Variants in BTN3A2 observed in about 807,000 individuals in gnomAD.
BTN3A2 encodes the protein butyrophilin subfamily 3 member A2.
In BTN3A2, 25 loss-of-function variants were observed where a neutral mutation model predicts 37.6. The ratio of observed to expected loss-of-function variants is 0.66; its 90% CI spans 0.48 to 0.93. BTN3A2 has a LOEUF of 0.93. Among genes scored for constraint, BTN3A2 ranks in the 40% least tolerant of loss-of-function variants. The pLI is 0.00. For missense variants in BTN3A2, 266 were observed against 410.9 expected (o/e 0.65, Z 3.05); for synonymous variants, 122 against 159.4 (o/e 0.77, Z 1.77).
At chr6:26,374,542 C>A in intron 9 of BTN3A2, 169 bp downstream of exon 9, 1 of 863,038 alleles carries the variant, frequency 1.2e-6, no homozygotes, top group Non-Finnish European at 1.8e-6. Flanking sequence ...TCCTGCACAC[C>A]CCCTTGTAAA....
chr6:26,377,354 A>T lies in BTN3A2; in HGVS notation c.*1592A>T. 3.3e-6 allele frequency: 2 copies of T among 606,582 alleles called. No homozygotes were observed. Among genetic ancestry groups the T allele is most frequent in the Non-Finnish European group, 6.0e-6 (2 of 335,034 alleles). 37.6% of individuals were successfully genotyped at this position (606,582 alleles called of 1,614,324 possible). ...AGGACAGTTGTTTGAGTTTGGTGCC[A>T]CCTTATTGGCCCCTTTATACAGATA... On this transcript the variant is annotated 3_prime_UTR_variant, in exon 11 of 11. Transcript: ENST00000377708.
chr6:26,371,227 C>G (rs1760081591), intron 5 of BTN3A2, among the ~76,000 whole-genome samples: 2 of 151,930 alleles, frequency 1.3e-5, no homozygotes, highest in Admixed American at 1.3e-4. Context: ...GACCACTGCA[C>G]TCCAGCCAGG....
Position 26,368,629 on chromosome 6 carries a change from G to C in BTN3A2, c.150G>C (p.Leu50=). 6.2e-7 allele frequency: 1 copy of C among 1,614,058 alleles called. No individual in the cohort carries two copies. The highest frequency in any genetic ancestry group is 8.5e-7 in the Non-Finnish European group (1 of 1,179,874). ...ILAMVGEDAD[L]PCHLFPTMSA... is the part of the protein sequence containing the mutation. ...CCATGGTGGGTGAAGACGCTGATCT[G>C]CCCTGTCACCTGTTCCCGACCATGA... is the stretch of plus-strand genomic sequence containing the variant. The change falls in exon 4 of 11, where the codon CTG becomes CTC. Residue 50 remains leucine, a synonymous_variant. Transcript: ENST00000377708.
chr6:26,372,985 C>T lies in BTN3A2; in HGVS notation c.804C>T (p.Tyr268=). 3 of 1,614,224 alleles carry T rather than the reference C, an allele frequency of 1.9e-6. No homozygotes were observed. The highest frequency in any genetic ancestry group is 1.7e-5 in the Admixed American group (1 of 60,028). Residue 268 remains tyrosine (Y), a synonymous_variant, in exon 6 of 11, where the codon TAC becomes TAT. Coordinates refer to ENST00000377708, the MANE Select transcript of BTN3A2 (RefSeq NM_007047.5). ...TGCTGCTTCTCGCCGGAGCCAGTTA[C>T]TTCTTGTGGAGACAACAGAAGGAAA... ...ILLLLLAGAS[Y]FLWRQQKEIT...
In BTN3A2 at chr6:26,374,337, G is replaced by A. The variant is rs1760484503; in HGVS notation, c.975G>A (p.Glu325=). ...TTTCTTTCATTGTAGGTGGAGAGGA[G>A]TCTTCGTCCGATACCAATAAGTCAG... ...KKIQYLTRGE[E]SSSDTNKSA The change falls in exon 9 of 11, where the codon GAG becomes GAA. Residue 325 remains glutamate, a synonymous_variant. Transcript: ENST00000377708. 3.7e-6 allele frequency: 6 copies of A among 1,612,308 alleles called. No homozygotes were observed. The highest frequency in any genetic ancestry group is 1.7e-4 in the Middle Eastern group (1 of 6,044).
Position 26,374,393 on chromosome 6 carries a change from T to C in BTN3A2, c.*6+20T>C. The C allele has an allele frequency of 6.2e-7, 1 of 1,609,912 alleles. No individual in the cohort carries two copies. The highest frequency in any genetic ancestry group is 8.5e-7 in the Non-Finnish European group (1 of 1,176,214). On this transcript the variant is annotated intron_variant, in intron 9 of 10. Coordinates refer to ENST00000377708, the MANE Select transcript of BTN3A2 (RefSeq NM_007047.5). ...TGCTCTGTAAGTTTGCTGGGTCACA[T>C]GCCCTGAATATTTCAACTTTTTCTC...
At chr6:26,366,825 TC>T (rs1484157675) in intron 1 of BTN3A2, among the ~76,000 whole-genome samples, 1 of 152,228 alleles carries the variant, frequency 6.6e-6, no homozygotes, top group Non-Finnish European at 1.5e-5. Context: ...GGCCTCATGC[TC>T]CTTTGTTTTG....
At chr6:26,371,021 T>G (rs1330983012) in intron 5 of BTN3A2, among the ~76,000 whole-genome samples, 1 of 152,134 alleles carries the variant, frequency 6.6e-6, no homozygotes, top group Non-Finnish European at 1.5e-5. Flanking sequence ...TCCCAGCACT[T>G]TGGGAGGCCG....
In BTN3A2 at chr6:26,370,385, G is replaced by A; in HGVS notation, c.497G>A (p.Cys166Tyr). 3 of 1,614,188 alleles carry A rather than the reference G, an allele frequency of 1.9e-6. No individual in the cohort carries two copies. The highest frequency in any genetic ancestry group is 2.5e-6 in the Non-Finnish European group (3 of 1,180,020). ...GYEDGGIHLE[C>Y]RSTGWYPQPQ... is the part of the protein sequence containing the mutation. ...GAGGATGGAGGGATCCATCTGGAGT[G>A]CAGGTCCACCGGCTGGTACCCCCAA... The change falls in exon 5 of 11, where the codon TGC becomes TAC. Residue 166 changes from cysteine (C) to tyrosine (Y), a missense_variant. By Grantham distance (194) the Cys-to-Tyr change is radical. Around this residue, in one of 3 missense-constraint regions of BTN3A2, gnomAD observed 204 missense variants for 232.6 expected, o/e 0.88. Transcript: ENST00000377708.
At chr6:26,375,308 G>T (rs749782962) in intron 10 of BTN3A2, 7 of 316,166 alleles carry the variant, frequency 2.2e-5, no homozygotes, top group Non-Finnish European at 4.1e-5. Context: ...GTTCCCAACA[G>T]TGGGGAGCTG....
chr6:26,377,012 T>C lies in BTN3A2; in HGVS notation c.*1250T>C. 1 of 1,418,916 alleles carries C rather than the reference T, an allele frequency of 7.0e-7. No individual in the cohort carries two copies. The highest frequency in any genetic ancestry group is 9.9e-7 in the Non-Finnish European group (1 of 1,005,426). 87.9% of individuals were successfully genotyped at this position (1,418,916 alleles called of 1,614,324 possible). A position where few individuals can be genotyped will look rare whatever the true frequency, so the allele number is the denominator to read the frequency against. ...CGGATGGATCTCATATCTACACATT[T>C]CTGCACGCCTCTTCCTCTGAGCCTC... On this transcript the variant is annotated 3_prime_UTR_variant, in exon 11 of 11. Coordinates refer to ENST00000377708, the MANE Select transcript of BTN3A2 (RefSeq NM_007047.5).
At chr6:26,375,487 T>C in intron 10 of BTN3A2, 1 of 710,450 alleles carries the variant, frequency 1.4e-6, no homozygotes. Flanking sequence ...GTGTATCTCC[T>C]TTCTTTCTCC....
rs372417646 is a variant in BTN3A2, at chr6:26,372,915, C to T, written c.734C>T (p.Ala245Val). 4.3e-6 allele frequency: 7 copies of T among 1,613,636 alleles called. No homozygotes were observed. Among genetic ancestry groups the T allele is most frequent in the Middle Eastern group, 1.8e-4 (1 of 5,660 alleles). The change falls in exon 6 of 11, where the codon GCC (alanine) becomes GTC (valine). Residue 245 changes from alanine (A) to valine (V), a missense_variant. Around this residue, in one of 3 missense-constraint regions of BTN3A2, gnomAD observed 204 missense variants for 232.6 expected, o/e 0.88. Coordinates refer to ENST00000377708, the MANE Select transcript of BTN3A2 (RefSeq NM_007047.5). ...ISIADPFFRS[A>V]QPWIAALAGT... ...TTCGCAGACCCCTTCTTCAGGAGCG[C>T]CCAGCCCTGGATCGCAGCCCTGGCA... is the stretch of plus-strand genomic sequence containing the variant.
chr6:26,377,221 C>A lies in BTN3A2; in HGVS notation c.*1459C>A. ...GCTGAAGTAACATCTCTGCTTCTCC[C>A]TGCCCAGCCTGGAGCTAAGGGTCTC... On this transcript the variant is annotated 3_prime_UTR_variant, in exon 11 of 11. Coordinates refer to ENST00000377708, the MANE Select transcript of BTN3A2 (RefSeq NM_007047.5). 1 of 1,028,572 alleles carries A rather than the reference C, an allele frequency of 9.7e-7. No homozygotes were observed. The highest frequency in any genetic ancestry group is 2.4e-5 in the East Asian group (1 of 41,764). 63.7% of individuals were successfully genotyped at this position (1,028,572 alleles called of 1,614,324 possible).
At chr6:26,373,923 T>C (rs1221177624) in intron 8 of BTN3A2, 5 of 185,856 alleles carry the variant, frequency 2.7e-5, no homozygotes, top group Non-Finnish European at 5.4e-5. Flanking sequence ...GTCCCTGAAA[T>C]TGCTCATTAA....
rs1760267890 is a variant in BTN3A2, at chr6:26,372,957, T to C, written c.776T>C (p.Leu259Ser). ...GCCCTGGCAGGGACCCTGCCTATCT[T>C]GCTGCTGCTTCTCGCCGGAGCCAGT... ...IAALAGTLPILLLLLAGASYF... is the reference protein window; with the variant it reads ...IAALAGTLPISLLLLAGASYF... Residue 259 changes from leucine (L) to serine (S), a missense_variant, in exon 6 of 11, where the codon TTG becomes TCG. By Grantham distance (145) the Leu-to-Ser change is moderately radical (BLOSUM62 -2). Coordinates refer to ENST00000377708, the MANE Select transcript of BTN3A2 (RefSeq NM_007047.5). 11 of 1,614,048 alleles carry C rather than the reference T, an allele frequency of 6.8e-6. No individual in the cohort carries two copies. The highest frequency in any genetic ancestry group is 1.3e-5 in the African/African-American group (1 of 74,954).
Position 26,368,199 on chromosome 6 carries a change from C to A in BTN3A2, c.17C>A (p.Ser6Tyr), listed in dbSNP as rs757449424. The A allele has an allele frequency of 1.2e-6, 2 of 1,614,180 alleles. No individual in the cohort carries two copies. The highest frequency in any genetic ancestry group is 1.7e-6 in the Non-Finnish European group (2 of 1,180,038). MKMAS[S>Y]LAFLLLNFHV... ...GCAGCATAGATGAAAATGGCAAGTT[C>A]CCTGGCTTTCCTTCTGCTCAACTTT... The change falls in exon 3 of 11, where the codon TCC becomes TAC. Residue 6 changes from serine (S) to tyrosine (Y), a missense_variant. Ser to Tyr is a moderately radical substitution (Grantham distance 144). Around this residue, in one of 3 missense-constraint regions of BTN3A2, gnomAD observed 47 missense variants for 77.3 expected, o/e 0.61. Transcript: ENST00000377708.
Position 26,377,713 on chromosome 6 carries a change from C to G in BTN3A2, c.*1951C>G, listed in dbSNP as rs14232. On this transcript the variant is annotated 3_prime_UTR_variant, in exon 11 of 11. Coordinates refer to ENST00000377708, the MANE Select transcript of BTN3A2 (RefSeq NM_007047.5). ...CTGATTTTTCCTGCATGGGAAGAGC[C>G]CACATGTAGCCCTGAGGTTCCCTTC... 28,622 of 178,440 alleles carry G rather than the reference C, an allele frequency of 0.16. 2,526 individuals carry two copies. The highest frequency in any genetic ancestry group is 0.22 in the African/African-American group (9,054 of 41,908). The allele number at this position is 178,440 out of a possible 1,614,324, so 11.1% of individuals were successfully genotyped here. A position where few individuals can be genotyped will look rare whatever the true frequency, so the allele number is the denominator to read the frequency against.
intron 1 of BTN3A2, among the ~76,000 whole-genome samples, chr6:26,365,805 A>G (rs1008115295): frequency 6.6e-6 from 1 of 152,240 alleles, no homozygotes; most frequent in Non-Finnish European, 1.5e-5. Context: ...TCATAGATTT[A>G]TATGTAAATG....
Sources: gnomAD v4.1 joint callset for allele counts (sites outside exome capture counted in the v4.1 genomes callset) on GRCh38, gnomAD v4.1.1 for gene constraint, gnomAD v4.1.1 regional missense constraint, MANE v1.5 for transcripts, NCBI Gene and HGNC (gene_info 2026-07-23, HGNC 2026-07-21) for gene names.